The following MTHFS variants were observed in gnomAD, a reference collection of about 807,000 sequenced individuals.
MTHFS encodes methenyltetrahydrofolate synthetase.
Under a neutral mutation model 12.7 loss-of-function variants are expected in MTHFS, and 7 were observed. The ratio of observed to expected loss-of-function variants is 0.55; its 90% CI spans 0.31 to 1.03. MTHFS has a LOEUF of 1.03. Among genes scored for constraint, MTHFS ranks in the 50% least tolerant of loss-of-function variants. MTHFS has a pLI of 0.05. For synonymous variants in MTHFS, 100 were observed against 97.1 expected (o/e 1.03, Z -0.18); for missense variants, 252 against 258.1 (o/e 0.98, Z 0.16).
At chr15:79,866,917 TTGCACTCCAGCCTGGGCATGCCAC>T (rs1320058929) in intron 2 of MTHFS, among the ~76,000 whole-genome samples, 3 of 151,822 alleles carry the variant, frequency 2.0e-5, no homozygotes, top group South Asian at 4.2e-4. Context: ...GATCGTGCCA[TTGCACTCCAGCCTGGGCATGCCAC>T]TGCACTCCAG....
At chr15:79,883,054 A>C (rs954292020) in intron 2 of MTHFS, among the ~76,000 whole-genome samples, 1 of 152,210 alleles carries the variant, frequency 6.6e-6, no homozygotes, top group African/African-American at 2.4e-5. Context: ...AAATTTAAAA[A>C]TTAGTCAGGC....
chr15:79,855,754 G>A (rs1396677282), intron 2 of MTHFS, among the ~76,000 whole-genome samples: 3 of 152,088 alleles, frequency 2.0e-5, no homozygotes, highest in African/African-American at 4.8e-5. Flanking sequence ...ACTTATAAGT[G>A]AGAACACGCA....
At chr15:79,875,843 A>C (rs1190954928) in intron 2 of MTHFS, 2 of 152,176 alleles carry the variant, frequency 1.3e-5, no homozygotes, top group African/African-American at 4.8e-5. Context: ...AGAACACATA[A>C]AAAACTTAGA....
At chr15:79,854,351 T>C (rs993427362) in intron 2 of MTHFS, among the ~76,000 whole-genome samples, 7 of 152,196 alleles carry the variant, frequency 4.6e-5, no homozygotes, top group Non-Finnish European at 8.8e-5. Flanking sequence ...GGCATGGTTA[T>C]AAGAACCCGC....
chr15:79,894,500 G>T (rs1265575096), intron 1 of MTHFS, among the ~76,000 whole-genome samples: 1 of 152,194 alleles, frequency 6.6e-6, no homozygotes, highest in African/African-American at 2.4e-5. Flanking sequence ...TCATGGGTCT[G>T]CTTTTTAATT....
chr15:79,858,868 G>T (rs907144517), intron 2 of MTHFS, among the ~76,000 whole-genome samples: 7 of 152,100 alleles, frequency 4.6e-5, no homozygotes, highest in African/African-American at 7.2e-5. Flanking sequence ...CTTCAGAAAC[G>T]TCTGTTTCCA....
intron 2 of MTHFS, among the ~76,000 whole-genome samples, chr15:79,872,040 G>A (rs1268213749): frequency 6.9e-6 from 1 of 144,604 alleles, no homozygotes; most frequent in Non-Finnish European, 1.5e-5. Flanking sequence ...AGGAGGTGGA[G>A]GTTGCACTGA....
intron 2 of MTHFS, among the ~76,000 whole-genome samples, chr15:79,847,975 A>C (rs939872931): frequency 2.0e-5 from 3 of 152,234 alleles, no homozygotes; most frequent in African/African-American, 7.2e-5. Flanking sequence ...TAGAACTACC[A>C]TATGGCCCAG....
intron 2 of MTHFS, among the ~76,000 whole-genome samples, chr15:79,881,720 T>G (rs989760655): frequency 6.6e-6 from 1 of 152,182 alleles, no homozygotes; most frequent in African/African-American, 2.4e-5. Context: ...ACGGTTTTAA[T>G]GCAGTATGCT....
intron 2 of MTHFS, among the ~76,000 whole-genome samples, chr15:79,866,777 C>A (rs556189343): frequency 1.3e-5 from 2 of 152,206 alleles, no homozygotes; most frequent in African/African-American, 4.8e-5. Context: ...ATGAAGAAAC[C>A]CCACCTCTAC....
intron 2 of MTHFS, among the ~76,000 whole-genome samples, chr15:79,859,934 A>G (rs1282953078): frequency 6.6e-6 from 1 of 152,150 alleles, no homozygotes; most frequent in Non-Finnish European, 1.5e-5. Flanking sequence ...CTAAGATAAA[A>G]TGATGATGAT....
chr15:79,869,905 A>G (rs1195822584), intron 2 of MTHFS, among the ~76,000 whole-genome samples: 2 of 152,228 alleles, frequency 1.3e-5, no homozygotes, highest in Non-Finnish European at 1.5e-5. Flanking sequence ...TGAGAGAAAT[A>G]TATTACAGAT....
In MTHFS at chr15:79,846,598, C is replaced by A. The variant is rs2033619704; in HGVS notation, c.380-1156G>T. 1.3e-5 allele frequency among the ~76,000 whole-genome samples: 2 copies of A among 152,316 alleles called. 1 individual carries two copies. The highest frequency in any genetic ancestry group is 4.1e-4 in the South Asian group (2 of 4,820). ...CTAGCTCCCAGCATACACCTGGTCACCCCTGCCTGCCAAAATCCAGCAAAG... is the reference window on the plus strand; with the variant it reads ...CTAGCTCCCAGCATACACCTGGTCAACCCTGCCTGCCAAAATCCAGCAAAG... On this transcript the variant is annotated intron_variant, in intron 2 of 2. Transcript: ENST00000258874.
chr15:79,850,107 A>G, intron 2 of MTHFS, among the ~76,000 whole-genome samples: 1 of 152,242 alleles, frequency 6.6e-6, no homozygotes, highest in Non-Finnish European at 1.5e-5. Context: ...CTGGTCATGA[A>G]AACTGTATTA....
At chr15:79,893,713 A>C (rs2034516196) in intron 1 of MTHFS, among the ~76,000 whole-genome samples, 1 of 150,938 alleles carries the variant, frequency 6.6e-6, no homozygotes. Context: ...AAAAAAAAAA[A>C]GGAAAAAGAA....
intron 2 of MTHFS, among the ~76,000 whole-genome samples, chr15:79,872,921 T>C (rs1254880076): frequency 6.6e-6 from 1 of 152,170 alleles, no homozygotes; most frequent in East Asian, 1.9e-4. Context: ...TGAGAAAGGA[T>C]GCCTTTTCAC....
intron 2 of MTHFS, among the ~76,000 whole-genome samples, chr15:79,883,069 T>C (rs1261599904): frequency 5.9e-5 from 9 of 152,222 alleles, no homozygotes; most frequent in Non-Finnish European, 1.5e-5. Flanking sequence ...TCAGGCATGG[T>C]AGTGTGTACC....
chr15:79,845,318 G>C lies in MTHFS; in HGVS notation c.504C>G (p.Pro168=). The C allele has an allele frequency of 6.2e-7, 1 of 1,614,146 alleles. No homozygotes were observed. Among genetic ancestry groups the C allele is most frequent in the Non-Finnish European group, 8.5e-7 (1 of 1,180,030 alleles). Residue 168 remains proline (P), a synonymous_variant, in exon 3 of 3, where the codon CCC becomes CCG. Coordinates refer to ENST00000258874, the MANE Select transcript of MTHFS (RefSeq NM_006441.4). ...KRCLQHQEVK[P]YTLALAFKEQ... The stretch of plus-strand genomic sequence containing the variant: ...CTTTGAAAGCCAACGCCAGGGTGTA[G>C]GGCTTCACTTCCTGATGCTGCAAAC...
intron 2 of MTHFS, among the ~76,000 whole-genome samples, chr15:79,849,855 A>G (rs1007162555): frequency 6.6e-6 from 1 of 152,230 alleles, no homozygotes; most frequent in African/African-American, 2.4e-5. Flanking sequence ...GTGATCTTGC[A>G]TTCCAAAACT....
Sources: gnomAD v4.1 joint callset for allele counts (sites outside exome capture counted in the v4.1 genomes callset) on GRCh38, gnomAD v4.1.1 for gene constraint, MANE v1.5 for transcripts, NCBI Gene and HGNC (gene_info 2026-07-23, HGNC 2026-07-21) for gene names.